MAP7: variants seen among roughly 807,000 people sequenced by gnomAD.
MAP7 encodes the protein microtubule associated protein 7.
In MAP7, 52 loss-of-function variants were observed where a neutral mutation model predicts 94.8. That is an observed-to-expected ratio of 0.55 (90% CI 0.44 to 0.69). The LOEUF is 0.69. MAP7 is among the 30% of genes least tolerant of loss of function. MAP7 has a pLI of 0.00. For synonymous variants in MAP7, 350 were observed against 357.0 expected, an observed-to-expected ratio of 0.98 and a Z score of 0.22; for missense variants, 940 against 964.6, an observed-to-expected ratio of 0.97 and a Z score of 0.34.
chr6:136,389,490 C>T lies in MAP7; in HGVS notation c.272G>A (p.Arg91Lys). Residue 91 changes from arginine (R) to lysine (K), a missense_variant, in exon 4 of 18, where the codon AGA becomes AAA. Coordinates refer to ENST00000354570, the MANE Select transcript of MAP7 (RefSeq NM_003980.6). ...LAAREIVWLEREERARQHYEK... is the reference protein window; with the variant it reads ...LAAREIVWLEKEERARQHYEK... ...GTAGTGCTGCCTGGCTCGCTCTTCT[C>T]TTTCTAACCACACTATTTCTCTTGC... 6.2e-7 allele frequency: 1 copy of T among 1,609,812 alleles called. No individual in the cohort carries two copies. The highest frequency in any genetic ancestry group is 1.7e-5 in the Admixed American group (1 of 59,510).
intron 1 of MAP7, among the ~76,000 whole-genome samples, chr6:136,490,608 T>C (rs1413382785): frequency 6.6e-6 from 1 of 152,210 alleles, no homozygotes; most frequent in Non-Finnish European, 1.5e-5. Flanking sequence ...TTTACTTCTC[T>C]AGTAGCAAAG....
At chr6:136,475,979 CA>C in intron 1 of MAP7, 1 of 152,144 alleles carries the variant, frequency 6.6e-6, no homozygotes, top group East Asian at 1.9e-4. Context: ...TCTATGAAAC[CA>C]TCAAATTGTA....
At chr6:136,369,570 CA>C (rs55957965) in intron 8 of MAP7, among the ~76,000 whole-genome samples, 33 of 145,856 alleles carry the variant, frequency 2.3e-4, no homozygotes, top group African/African-American at 4.3e-4. Context: ...GAGACTGTCT[CA>C]AAAAAAAAAA....
chr6:136,516,246 G>A (rs899937896), intron 1 of MAP7, among the ~76,000 whole-genome samples: 5 of 151,632 alleles, frequency 3.3e-5, no homozygotes, highest in East Asian at 1.9e-4. Flanking sequence ...CTGCAGCCTC[G>A]ACCTCCTTGG....
intron 10 of MAP7, 114 bp downstream of exon 10, chr6:136,365,621 A>C: frequency 9.9e-6 from 11 of 1,114,762 alleles, no homozygotes; most frequent in Non-Finnish European, 1.4e-5. Context: ...TTAACCTTAG[A>C]GTAAAATTTC....
intron 1 of MAP7, among the ~76,000 whole-genome samples, chr6:136,490,844 C>T (rs1816358507): frequency 6.6e-6 from 1 of 152,222 alleles, no homozygotes; most frequent in African/African-American, 2.4e-5. Flanking sequence ...CTCTCTCACA[C>T]CTATAGGTCT....
At chr6:136,505,283 A>ATATATATATG (rs1554268241) in intron 1 of MAP7, among the ~76,000 whole-genome samples, 2 of 116,826 alleles carry the variant, frequency 1.7e-5, no homozygotes, top group Admixed American at 1.8e-4. Flanking sequence ...GTGTGTATAT[A>ATATATATATG]TATATATATA....
chr6:136,464,201 T>C (rs901471415), intron 1 of MAP7, among the ~76,000 whole-genome samples: 2 of 152,242 alleles, frequency 1.3e-5, no homozygotes, highest in Non-Finnish European at 2.9e-5. Context: ...GTTTGAATCA[T>C]CTATGATAAC....
At chr6:136,503,448 C>T (rs1562468522) in intron 1 of MAP7, among the ~76,000 whole-genome samples, 1 of 152,068 alleles carries the variant, frequency 6.6e-6, no homozygotes, top group East Asian at 1.9e-4. Context: ...CTGGCTCTAA[C>T]CCTGACCCGC....
At chr6:136,443,762 C>T (rs1426428427) in intron 1 of MAP7, among the ~76,000 whole-genome samples, 7 of 151,920 alleles carry the variant, frequency 4.6e-5, no homozygotes, top group Admixed American at 1.3e-4. Flanking sequence ...CTTCTACTTT[C>T]GTAAGGCACA....
chr6:136,346,393 G>A (rs546683065), intron 16 of MAP7, among the ~76,000 whole-genome samples: 9 of 152,044 alleles, frequency 5.9e-5, no homozygotes, highest in South Asian at 2.1e-4. Context: ...CAAGACCCCC[G>A]TCTCTACAAA....
chr6:136,406,024 T>C (rs555482193), intron 3 of MAP7, among the ~76,000 whole-genome samples: 2 of 152,326 alleles, frequency 1.3e-5, no homozygotes, highest in African/African-American at 4.8e-5. Context: ...TTAAATATTA[T>C]TGAATGAATA....
Position 136,372,642 on chromosome 6 carries a change from G to A in MAP7, c.752-17C>T. ...TGCAAGATGCTGAACGAGGACAAAT[G>A]GGGATAACTAGGGTGCAGGTGATTG... On this transcript the variant is annotated splice_polypyrimidine_tract_variant and intron_variant, in intron 7 of 17. Coordinates refer to ENST00000354570, the MANE Select transcript of MAP7 (RefSeq NM_003980.6). 1.2e-6 allele frequency: 2 copies of A among 1,614,156 alleles called. No homozygotes were observed. Among genetic ancestry groups the A allele is most frequent in the Non-Finnish European group, 1.7e-6 (2 of 1,180,008 alleles).
intron 1 of MAP7, among the ~76,000 whole-genome samples, chr6:136,507,719 A>G (rs1426852444): frequency 6.6e-6 from 1 of 152,150 alleles, no homozygotes; most frequent in African/African-American, 2.4e-5. Context: ...CATGTTTTAG[A>G]TATTATTCTA....
intron 1 of MAP7, among the ~76,000 whole-genome samples, chr6:136,483,773 T>G (rs1813703574): frequency 6.6e-6 from 1 of 152,188 alleles, no homozygotes; most frequent in African/African-American, 2.4e-5. Flanking sequence ...CCTTCTCCAT[T>G]TCTATTACAA....
intron 2 of MAP7, among the ~76,000 whole-genome samples, chr6:136,417,683 G>A (rs146250658): frequency 5.3e-5 from 8 of 152,196 alleles, no homozygotes; most frequent in Middle Eastern, 3.4e-3. Flanking sequence ...AAGACAGCAC[G>A]GATATGTGTC....
chr6:136,359,762 G>C, intron 15 of MAP7, 58 bp downstream of exon 15: 1 of 1,486,438 alleles, frequency 6.7e-7, no homozygotes, highest in East Asian at 2.3e-5. Context: ...CTTCACCCCT[G>C]GAGAGTCAAT....
chr6:136,431,013 T>C (rs1483077815), intron 1 of MAP7, among the ~76,000 whole-genome samples: 1 of 152,190 alleles, frequency 6.6e-6, no homozygotes, highest in Non-Finnish European at 1.5e-5. Flanking sequence ...ATAGTTTACA[T>C]GAGGGGCCAC....
At chr6:136,534,830 T>C (rs1828751032) in intron 1 of MAP7, among the ~76,000 whole-genome samples, 1 of 152,118 alleles carries the variant, frequency 6.6e-6, no homozygotes, top group African/African-American at 2.4e-5. Context: ...CATCTGAACA[T>C]TAAATGATTC....
Sources: allele counts gnomAD v4.1 joint callset (sites outside exome capture counted in the v4.1 genomes callset), GRCh38; gene constraint gnomAD v4.1.1; transcripts MANE v1.5; gene names NCBI Gene and HGNC (gene_info 2026-07-23, HGNC 2026-07-21).